CMC1: variants seen among roughly 807,000 people sequenced by gnomAD.
CMC1 encodes C-X9-C motif containing 1, also known as COX assembly mitochondrial protein homolog.
In CMC1, 14 loss-of-function variants were observed where a neutral mutation model predicts 14.1. That is an observed-to-expected ratio of 0.99 (90% CI 0.66 to 1.55). The LOEUF (loss-of-function observed/expected upper bound fraction) is 1.55, where lower values mean the gene tolerates loss of function less well. CMC1 is among the 40% of genes most tolerant of loss of function. The pLI, the probability that CMC1 is intolerant of heterozygous loss-of-function variation, is 0.00. For missense variants in CMC1, 127 were observed against 123.8 expected (o/e 1.03, Z -0.12); for synonymous variants, 50 against 38.4 (o/e 1.30, Z -1.12).
At chr3:28,279,794 A>G (rs1361906410) in intron 2 of CMC1, among the ~76,000 whole-genome samples, 1 of 152,236 alleles carries the variant, frequency 6.6e-6, no homozygotes, top group Non-Finnish European at 1.5e-5. Flanking sequence ...ACGGACTTGT[A>G]GGACAATAAC....
intron 2 of CMC1, among the ~76,000 whole-genome samples, chr3:28,311,810 G>A (rs946802891): frequency 6.6e-6 from 1 of 152,172 alleles, no homozygotes; most frequent in African/African-American, 2.4e-5. Flanking sequence ...TGTCTGAAGG[G>A]AAATCTTACT....
Position 28,321,710 on chromosome 3 carries a change from T to C in CMC1, c.*2081T>C, listed in dbSNP as rs1703193548. The C allele has an allele frequency of 2.0e-5, 3 of 151,346 alleles. No homozygotes were observed. The Admixed American group carries it at 2.0e-4, about 10-fold the overall frequency. 9.4% of individuals were successfully genotyped at this position (151,346 alleles called of 1,614,324 possible). ...ATGATTCAGCTCTTCAAGTCTGAAT[T>C]TTCCCATTTATTTTGGTTTTCTAAT... is the stretch of plus-strand genomic sequence containing the variant. On this transcript the variant is annotated 3_prime_UTR_variant, in exon 4 of 4. Transcript: ENST00000466830.
chr3:28,265,577 TG>T (rs1699966563), intron 2 of CMC1, among the ~76,000 whole-genome samples: 1 of 152,148 alleles, frequency 6.6e-6, no homozygotes. Context: ...TTCTGCTAAA[TG>T]CCTAAAACAT....
rs553514939 is a variant in CMC1, at chr3:28,274,994, T to G, written c.109+11614T>G. Among the ~76,000 whole-genome samples the G allele has an allele frequency of 2.0e-5, 3 of 152,290 alleles. No homozygotes were observed. In the South Asian group the frequency reaches 6.2e-4, roughly 32 times the overall value. ...TCATTCTGGTTAACAGCTCCTGCAA[T>G]GTTTTATCATGGTCCTTAGCTTATT... is the stretch of plus-strand genomic sequence containing the variant. On this transcript the variant is annotated intron_variant, in intron 2 of 3. Coordinates refer to ENST00000466830, the MANE Select transcript of CMC1 (RefSeq NM_182523.2).
chr3:28,304,096 C>A (rs1470166525), intron 2 of CMC1, among the ~76,000 whole-genome samples: 2 of 151,988 alleles, frequency 1.3e-5, no homozygotes, highest in African/African-American at 2.4e-5. Flanking sequence ...ACATGGTCAC[C>A]ATTAGACATA....
chr3:28,316,592 GAA>G, intron 3 of CMC1, 169 bp downstream of exon 3: 2 of 398,662 alleles, frequency 5.0e-6, no homozygotes, highest in South Asian at 9.8e-5. Context: ...ACATATTTAT[GAA>G]AGAGTCTTTT....
At chr3:28,276,402 T>C (rs1363663201) in intron 2 of CMC1, among the ~76,000 whole-genome samples, 2 of 152,168 alleles carry the variant, frequency 1.3e-5, no homozygotes, top group East Asian at 3.9e-4. Flanking sequence ...GAATTACGTA[T>C]CTTGAAATTT....
chr3:28,273,492 C>G (rs1700405513), intron 2 of CMC1, among the ~76,000 whole-genome samples: 1 of 152,094 alleles, frequency 6.6e-6, no homozygotes, highest in African/African-American at 2.4e-5. Flanking sequence ...AGTTATTTCG[C>G]ATTTGCTAAG....
At chr3:28,299,513 C>T (rs1701913736) in intron 2 of CMC1, among the ~76,000 whole-genome samples, 2 of 152,184 alleles carry the variant, frequency 1.3e-5, no homozygotes, top group South Asian at 4.1e-4. Flanking sequence ...GTTCATCCTT[C>T]TACCTTCTTG....
rs187861662 is a variant in CMC1 at position 28,264,342 on chromosome 3, G to A, written c.109+962G>A. Among the ~76,000 whole-genome samples the A allele has an allele frequency of 1.4e-3, 212 of 152,182 alleles. 1 individual carries two copies. Among genetic ancestry groups the A allele is most frequent in the African/African-American group, 5.0e-3 (206 of 41,528 alleles). ...TCAATAACATTTGGATACTAGGAACGCTTTTGTTCCCTTCCCTGTCCTCTG... is the reference window on the plus strand; with the variant it reads ...TCAATAACATTTGGATACTAGGAACACTTTTGTTCCCTTCCCTGTCCTCTG... On this transcript the variant is annotated intron_variant, in intron 2 of 3. Transcript: ENST00000466830.
chr3:28,263,698 G>A (rs1699850208), intron 2 of CMC1, among the ~76,000 whole-genome samples: 1 of 152,058 alleles, frequency 6.6e-6, no homozygotes, highest in Admixed American at 6.6e-5. Flanking sequence ...TTATAGGGGA[G>A]GAAGAAACAT....
intron 2 of CMC1, among the ~76,000 whole-genome samples, chr3:28,279,201 CAGGTAG>C (rs948325533): frequency 3.3e-5 from 5 of 152,082 alleles, no homozygotes; most frequent in African/African-American, 1.2e-4. Context: ...AGTCCCCTGC[CAGGTAG>C]GGTGGCTGAA....
In CMC1 at chr3:28,324,311, G is replaced by A; in HGVS notation, c.*4682G>A. On this transcript the variant is annotated 3_prime_UTR_variant, in exon 4 of 4. Coordinates refer to ENST00000466830, the MANE Select transcript of CMC1 (RefSeq NM_182523.2). ...TCTGATAAAACCTTTACATCTCCTG[G>A]TAAAGGGGAAGATGTGGTATGACAA... 6.2e-7 allele frequency: 1 copy of A among 1,606,960 alleles called. No homozygotes were observed.
At chr3:28,251,263 C>T (rs1047348870) in intron 1 of CMC1, among the ~76,000 whole-genome samples, 5 of 152,242 alleles carry the variant, frequency 3.3e-5, no homozygotes, top group Middle Eastern at 3.4e-3. Context: ...AGGGACCAAA[C>T]GTGAGAGGTG....
At chr3:28,296,369 C>G (rs890708088) in intron 2 of CMC1, among the ~76,000 whole-genome samples, 17 of 152,088 alleles carry the variant, frequency 1.1e-4, no homozygotes, top group African/African-American at 4.1e-4. Context: ...CTCTTTTTAG[C>G]TTAATGTCAG....
chr3:28,268,333 T>C (rs540468633), intron 2 of CMC1, among the ~76,000 whole-genome samples: 1 of 152,166 alleles, frequency 6.6e-6, no homozygotes, highest in Non-Finnish European at 1.5e-5. Context: ...TGGCACAAGC[T>C]CCATGAGTCT....
intron 1 of CMC1, chr3:28,253,874 A>G: frequency 2.2e-6 from 1 of 456,588 alleles, no homozygotes; most frequent in South Asian, 1.8e-5. Flanking sequence ...TGCCCTTCAT[A>G]TATCACATTC....
At chr3:28,292,368 G>A (rs761437101) in intron 2 of CMC1, among the ~76,000 whole-genome samples, 25 of 152,160 alleles carry the variant, frequency 1.6e-4, no homozygotes, top group Non-Finnish European at 3.1e-4. Flanking sequence ...TTATTAGCAT[G>A]AAGACTAGTT....
intron 3 of CMC1, chr3:28,317,047 T>C (rs1702960173): frequency 6.6e-6 from 1 of 152,076 alleles, no homozygotes; most frequent in Admixed American, 6.6e-5. Context: ...TGCAGAATAC[T>C]TTAGTAAGTA....
Sources: allele counts gnomAD v4.1 joint callset (sites outside exome capture counted in the v4.1 genomes callset), GRCh38; gene constraint gnomAD v4.1.1; transcripts MANE v1.5; gene names NCBI Gene and HGNC (gene_info 2026-07-23, HGNC 2026-07-21).